USP53: variants seen among roughly 807,000 people sequenced by gnomAD.
USP53 encodes ubiquitin carboxyl-terminal hydrolase 53.
In USP53, 71 loss-of-function variants were observed where a neutral mutation model predicts 94.9. The observed-to-expected ratio is 0.75, with a 90% CI of 0.62 to 0.91. USP53 has a LOEUF of 0.91. Among genes scored for constraint, USP53 ranks in the 40% least tolerant of loss-of-function variants. The pLI, the probability that USP53 is intolerant of heterozygous loss-of-function variation, is 0.00. For missense variants in USP53, 1,173 were observed against 1,281.0 expected (o/e 0.92, Z 1.29); for synonymous variants, 375 against 422.7 (o/e 0.89, Z 1.39).
rs890263005 is a variant in USP53, at chr4:119,273,641, T to C, written c.2184T>C (p.Ile728=). ...VKETVCFSDQ[I]TTSNLNKERG... ...GTATTTTATTTTCTAGTGACCAGATTACGACAAGCAACCTAAATAAAGAAC... is the reference window on the plus strand; with the variant it reads ...GTATTTTATTTTCTAGTGACCAGATCACGACAAGCAACCTAAATAAAGAAC... Residue 728 remains isoleucine, a synonymous_variant, in exon 17 of 19, where the codon ATT becomes ATC. Coordinates refer to ENST00000692078, the MANE Select transcript of USP53 (RefSeq NM_001371395.1). The C allele has an allele frequency of 1.9e-6, 3 of 1,612,968 alleles. No homozygotes were observed. The highest frequency in any genetic ancestry group is 2.5e-6 in the Non-Finnish European group (3 of 1,179,328).
chr4:119,260,267 C>CT (rs201806681), intron 10 of USP53, among the ~76,000 whole-genome samples: 2 of 151,538 alleles, frequency 1.3e-5, no homozygotes, highest in East Asian at 3.9e-4. Flanking sequence ...TTTATTTCTG[C>CT]TTTTTTTTAG....
chr4:119,245,528 C>G, intron 6 of USP53, 99 bp downstream of exon 6: 1 of 958,172 alleles, frequency 1.0e-6, no homozygotes, highest in South Asian at 1.4e-5. Context: ...AGTTCACTGT[C>G]AGGTGATTAA....
chr4:119,273,562 T>TG, intron 16 of USP53, 70 bp from the exon 17 acceptor site: 1 of 734,800 alleles, frequency 1.4e-6, no homozygotes, highest in Non-Finnish European at 2.0e-6. Context: ...TAACAAATGT[T>TG]GTTTTTTTTT....
chr4:119,232,596 G>A (rs1746208435), intron 3 of USP53, among the ~76,000 whole-genome samples: 1 of 152,050 alleles, frequency 6.6e-6, no homozygotes, highest in South Asian at 2.1e-4. Context: ...ATAATGCTCT[G>A]TTAGCTATTT....
intron 4 of USP53, among the ~76,000 whole-genome samples, chr4:119,236,061 C>T (rs1018667745): frequency 9.9e-5 from 15 of 152,078 alleles, no homozygotes; most frequent in African/African-American, 2.2e-4. Context: ...AATTCATCAA[C>T]GAAATTCAGT....
At chr4:119,237,530 T>A (rs6841872) in intron 4 of USP53, among the ~76,000 whole-genome samples, 1 of 151,612 alleles carries the variant, frequency 6.6e-6, no homozygotes, top group Non-Finnish European at 1.5e-5. Context: ...TCGACACAAG[T>A]GTTTGAAAAA....
At position 119,260,592 on chromosome 4, in the gene USP53, A is replaced by G. The variant is rs1343127050; in HGVS notation, c.761A>G (p.Glu254Gly). The change falls in exon 11 of 19, where the codon GAG becomes GGG. Residue 254 changes from glutamate to glycine, a missense_variant. By Grantham distance (98) the Glu-to-Gly change is moderately conservative. Transcript: ENST00000692078. ...ACAATTGGTTTAGTCTGGGACTCCG[A>G]GCATTCTGACTTGACCGAAGCTGTT... The part of the protein sequence containing the change: ...IVTIGLVWDS[E>G]HSDLTEAVVR... The G allele has an allele frequency of 2.5e-6, 4 of 1,613,852 alleles. No individual in the cohort carries two copies. Among genetic ancestry groups the G allele is most frequent in the Non-Finnish European group, 3.4e-6 (4 of 1,179,892 alleles).
chr4:119,258,294 G>A (rs1399273975), intron 9 of USP53, among the ~76,000 whole-genome samples: 2 of 152,032 alleles, frequency 1.3e-5, no homozygotes, highest in Non-Finnish European at 2.9e-5. Context: ...TCAGATTTAG[G>A]GCTTTCTAGT....
intron 12 of USP53, among the ~76,000 whole-genome samples, chr4:119,264,287 A>T (rs1388205003): frequency 1.3e-5 from 2 of 152,230 alleles, no homozygotes; most frequent in African/African-American, 4.8e-5. Context: ...TCAGGGGAGG[A>T]TAGTAAAACT....
intron 4 of USP53, among the ~76,000 whole-genome samples, chr4:119,237,398 G>A (rs1343006948): frequency 3.3e-5 from 5 of 152,148 alleles, no homozygotes; most frequent in Admixed American, 6.5e-5. Flanking sequence ...CCCCTCGCCC[G>A]TCACGCAATG....
chr4:119,216,551 CAG>C (rs539691006), intron 2 of USP53, among the ~76,000 whole-genome samples: 7 of 152,016 alleles, frequency 4.6e-5, no homozygotes, highest in Non-Finnish European at 2.9e-5. Context: ...CTTTCTAGTC[CAG>C]AAAGGTTTTG....
chr4:119,280,657 CTCTA>C (rs1397471936), intron 17 of USP53, among the ~76,000 whole-genome samples: 1 of 152,140 alleles, frequency 6.6e-6, no homozygotes, highest in Non-Finnish European at 1.5e-5. Context: ...AAAGGGGAAA[CTCTA>C]TCAGGATAGG....
chr4:119,239,660 G>A lies in USP53; in HGVS notation c.-100G>A. On this transcript the variant is annotated 5_prime_UTR_variant, in exon 5 of 19. The change creates a new upstream start codon in the 5' untranslated region. Coordinates refer to ENST00000692078, the MANE Select transcript of USP53 (RefSeq NM_001371395.1). ...ACTTACATTATTAAAATAGACTGCA[G>A]TGGATTTAATTGGACAATTCAAGAC... The A allele has an allele frequency of 7.4e-7, 1 of 1,353,698 alleles. No homozygotes were observed. The highest frequency in any genetic ancestry group is 9.9e-7 in the Non-Finnish European group (1 of 1,005,214). 83.9% of individuals were successfully genotyped at this position (1,353,698 alleles called of 1,614,324 possible). A position where few individuals can be genotyped will look rare whatever the true frequency, so the allele number is the denominator to read the frequency against.
chr4:119,223,923 T>C (rs1378509914), intron 3 of USP53, among the ~76,000 whole-genome samples: 2 of 152,220 alleles, frequency 1.3e-5, no homozygotes, highest in Admixed American at 1.3e-4. Context: ...GGAAGATGAT[T>C]TGCATCACAG....
intron 7 of USP53, among the ~76,000 whole-genome samples, chr4:119,253,439 T>A (rs1749317273): frequency 6.6e-6 from 1 of 152,230 alleles, no homozygotes; most frequent in Non-Finnish European, 1.5e-5. Context: ...AGTTAGCTCT[T>A]CTTATTGAAT....
At chr4:119,273,205 C>A (rs1752092263) in intron 16 of USP53, 1 of 152,884 alleles carries the variant, frequency 6.5e-6, no homozygotes, top group Non-Finnish European at 1.5e-5. Flanking sequence ...GTCCCAGCTA[C>A]TTGGGAGGCT....
intron 17 of USP53, among the ~76,000 whole-genome samples, chr4:119,279,664 G>T (rs1360333837): frequency 1.1e-3 from 164 of 152,150 alleles, no homozygotes; most frequent in African/African-American, 3.8e-3. Context: ...GTTTACCTAA[G>T]CAAGCCTGGG....
chr4:119,214,579 G>A, intron 2 of USP53, among the ~76,000 whole-genome samples: 1 of 149,452 alleles, frequency 6.7e-6, no homozygotes, highest in African/African-American at 2.5e-5. Flanking sequence ...TTAATGGGAA[G>A]GTAGACTTTT....
At chr4:119,245,498 G>A in intron 6 of USP53, 69 bp downstream of exon 6, 2 of 1,387,076 alleles carry the variant, frequency 1.4e-6, no homozygotes, top group Non-Finnish European at 2.0e-6. Context: ...TGATATATTG[G>A]GTCAGTTTGT....
Sources: allele counts gnomAD v4.1 joint callset (sites outside exome capture counted in the v4.1 genomes callset), GRCh38; gene constraint gnomAD v4.1.1; transcripts MANE v1.5; gene names NCBI Gene and HGNC (gene_info 2026-07-23, HGNC 2026-07-21).